Variants in ZFHX3 observed in about 807,000 individuals in gnomAD.
The protein encoded by ZFHX3 is zinc finger homeobox 3.
In ZFHX3, 42 loss-of-function variants were observed where a neutral mutation model predicts 279.1. The observed-to-expected ratio is 0.15, with a 90% CI of 0.12 to 0.19. The LOEUF is 0.19. Ranked by LOEUF, ZFHX3 falls within the 10% of genes least tolerant of loss-of-function variation. The pLI is 1.00. For synonymous variants in ZFHX3, 2,293 were observed against 1,957.8 expected, an observed-to-expected ratio of 1.17 and a Z score of -4.52; for missense variants, 4,981 against 4,754.0, an observed-to-expected ratio of 1.05 and a Z score of -1.40.
intron 1 of ZFHX3, among the ~76,000 whole-genome samples, chr16:73,026,945 A>G (rs1964534122): frequency 1.3e-5 from 2 of 152,190 alleles, no homozygotes; most frequent in Non-Finnish European, 2.9e-5. Flanking sequence ...CTTTTCCCAT[A>G]AAGAGCCATG....
At chr16:73,851,873 A>T (rs114905996) in intron 1 of ZFHX3, among the ~76,000 whole-genome samples, 162 of 152,176 alleles carry the variant, frequency 1.1e-3, no homozygotes, top group African/African-American at 3.7e-3. Flanking sequence ...ACCATTTGGA[A>T]CTGCTCGGAC....
intron 3 of ZFHX3, among the ~76,000 whole-genome samples, chr16:72,890,841 G>A (rs2038755583): frequency 6.6e-6 from 1 of 152,238 alleles, no homozygotes; most frequent in South Asian, 2.1e-4. Context: ...GTCTATGGAT[G>A]TTTTTGAAAC....
intron 4 of ZFHX3, among the ~76,000 whole-genome samples, chr16:73,309,987 C>A (rs1349750935): frequency 2.0e-5 from 3 of 147,452 alleles, no homozygotes; most frequent in East Asian, 2.0e-4. Flanking sequence ...CCGCTCACTG[C>A]AACCTCCACC....
intron 5 of ZFHX3, among the ~76,000 whole-genome samples, chr16:73,192,544 A>G (rs1968065654): frequency 6.6e-6 from 1 of 152,132 alleles, no homozygotes; most frequent in Non-Finnish European, 1.5e-5. Context: ...CTTTGTTTCT[A>G]ATGCGTCTGA....
chr16:72,962,885 G>A (rs1961647163), intron 1 of ZFHX3, among the ~76,000 whole-genome samples: 2 of 151,936 alleles, frequency 1.3e-5, no homozygotes, highest in South Asian at 4.2e-4. Context: ...GAGAAGAGGG[G>A]GACGCGCGCA....
At chr16:73,240,453 A>T (rs1184436781) in intron 5 of ZFHX3, among the ~76,000 whole-genome samples, 1 of 152,102 alleles carries the variant, frequency 6.6e-6, no homozygotes, top group Non-Finnish European at 1.5e-5. Flanking sequence ...TCCTGACCTC[A>T]AGTGATCTGC....
At chr16:73,337,797 C>T (rs1311896393) in intron 3 of ZFHX3, among the ~76,000 whole-genome samples, 1 of 149,130 alleles carries the variant, frequency 6.7e-6, no homozygotes, top group Non-Finnish European at 1.5e-5. Context: ...TTCTAAAATG[C>T]TCTTTTAGAA....
Position 73,649,470 on chromosome 16 carries a change from T to G in ZFHX3, c.-1547+30710A>C, listed in dbSNP as rs1012717974. On this transcript the variant is annotated intron_variant, in intron 2 of 17. Transcript: ENST00000641206. ...CAGAGTGTGTATATGCATAAAGAGT[T>G]TGGAAGGATTTTCAAGTGATTGTCT... is the stretch of plus-strand genomic sequence containing the variant. 2.6e-5 allele frequency among the ~76,000 whole-genome samples: 4 copies of G among 152,304 alleles called. No individual in the cohort carries two copies. In the East Asian group the frequency reaches 7.7e-4, roughly 29 times the overall value.
At chr16:73,468,404 A>G (rs2018608507) in intron 2 of ZFHX3, among the ~76,000 whole-genome samples, 1 of 152,208 alleles carries the variant, frequency 6.6e-6, no homozygotes, top group African/African-American at 2.4e-5. Flanking sequence ...GGGAGGCTGG[A>G]ATATGTAGTC....
chr16:73,202,241 C>G (rs1382799521), intron 5 of ZFHX3, among the ~76,000 whole-genome samples: 2 of 152,150 alleles, frequency 1.3e-5, no homozygotes, highest in African/African-American at 2.4e-5. Context: ...TTTCTGAGCC[C>G]TTGAAACTCT....
At chr16:73,178,423 G>A (rs1288463426) in intron 5 of ZFHX3, among the ~76,000 whole-genome samples, 1 of 152,100 alleles carries the variant, frequency 6.6e-6, no homozygotes, top group East Asian at 1.9e-4. Flanking sequence ...GCAGGCGTGA[G>A]CCACCGCGCC....
intron 1 of ZFHX3, among the ~76,000 whole-genome samples, chr16:73,774,861 T>A (rs9646320): frequency 4.6e-5 from 7 of 152,186 alleles, no homozygotes; most frequent in Admixed American, 4.6e-4. Flanking sequence ...GACCTGAACC[T>A]TGCATGAATT....
At chr16:73,714,364 C>T (rs1364828911) in intron 1 of ZFHX3, among the ~76,000 whole-genome samples, 1 of 152,128 alleles carries the variant, frequency 6.6e-6, no homozygotes, top group East Asian at 1.9e-4. Context: ...TTGGAAAGGA[C>T]ACATCTCCAT....
At chr16:73,232,050 G>A (rs1019902550) in intron 5 of ZFHX3, 4 of 152,164 alleles carry the variant, frequency 2.6e-5, no homozygotes, top group Non-Finnish European at 4.4e-5. Context: ...GGAGCTCCCC[G>A]ACCATTTGGC....
At chr16:73,205,992 A>G (rs1184102495) in intron 5 of ZFHX3, among the ~76,000 whole-genome samples, 4 of 152,240 alleles carry the variant, frequency 2.6e-5, no homozygotes, top group African/African-American at 9.6e-5. Flanking sequence ...ACTTTGACAA[A>G]TCGCAATTTG....
At chr16:72,969,870 G>C (rs1282301332) in intron 1 of ZFHX3, among the ~76,000 whole-genome samples, 1 of 152,216 alleles carries the variant, frequency 6.6e-6, no homozygotes, top group Non-Finnish European at 1.5e-5. Flanking sequence ...CAATTTCCCA[G>C]CAGCCTTCAG....
chr16:73,796,500 G>A (rs1019681681), intron 1 of ZFHX3: 1 of 152,200 alleles, frequency 6.6e-6, no homozygotes, highest in African/African-American at 2.4e-5. Flanking sequence ...TTCAGAATGA[G>A]TACACATGTC....
Position 72,797,597 on chromosome 16 carries a change from A to G in ZFHX3, c.5085T>C (p.Asn1695=). The G allele has an allele frequency of 6.2e-7, 1 of 1,613,920 alleles. No homozygotes were observed. Among genetic ancestry groups the G allele is most frequent in the South Asian group, 1.1e-5 (1 of 91,066 alleles). ...TESVGMPPLG[N]PIGANIASPS... ...GGGAAGCAATGTTGGCACCAATAGG[A>G]TTCCCCAGGGGTGGCATCCCTACAC... The change falls in exon 9 of 10, where the codon AAT becomes AAC. Residue 1695 remains asparagine, a synonymous_variant. Transcript: ENST00000268489.
At chr16:73,131,966 A>G (rs1367519495) in intron 6 of ZFHX3, among the ~76,000 whole-genome samples, 2 of 152,072 alleles carry the variant, frequency 1.3e-5, no homozygotes, top group South Asian at 2.1e-4. Flanking sequence ...AGGTATTATT[A>G]TTGGCTTGAT....
Sources: gnomAD v4.1 joint callset for allele counts (sites outside exome capture counted in the v4.1 genomes callset) on GRCh38, gnomAD v4.1.1 for gene constraint, MANE v1.5 for transcripts, NCBI Gene and HGNC (gene_info 2026-07-23, HGNC 2026-07-21) for gene names.